Variants in MAP3K2 observed in about 807,000 individuals in gnomAD.
MAP3K2 encodes the protein MAP/ERK kinase kinase 2.
Under a neutral mutation model 80.3 loss-of-function variants are expected in MAP3K2, and 24 were observed. That is an observed-to-expected ratio of 0.30 (90% CI 0.22 to 0.42). The LOEUF (loss-of-function observed/expected upper bound fraction) is 0.42, where lower values mean the gene tolerates loss of function less well. Among genes scored for constraint, MAP3K2 ranks in the 10% least tolerant of loss-of-function variants. The pLI is 1.00. For synonymous variants in MAP3K2, 244 were observed against 253.7 expected (o/e 0.96, Z 0.36); for missense variants, 608 against 750.1 (o/e 0.81, Z 2.21).
rs540576508 is a variant in MAP3K2 at position 127,299,485 on chromosome 2, T to G, written c.*8094A>C. On this transcript the variant is annotated 3_prime_UTR_variant, in exon 17 of 17. Coordinates refer to ENST00000682094, the MANE Select transcript of MAP3K2 (RefSeq NM_001371910.2). ...TACAGGAAATATTCAAAGACAACAG[T>G]AGGACAGGCCAATAGCAACTGGAGA... 46 of 152,268 alleles carry G rather than the reference T, an allele frequency of 3.0e-4. 1 individual carries two copies. The highest frequency in any genetic ancestry group is 9.9e-4 in the African/African-American group (41 of 41,578). The allele number at this position is 152,268 out of a possible 1,614,324, so 9.4% of individuals were successfully genotyped here.
In MAP3K2 at chr2:127,331,444, C is replaced by A. The variant is rs113348642; in HGVS notation, c.265-939G>T. Among the ~76,000 whole-genome samples the A allele has an allele frequency of 5.2e-3, 787 of 152,256 alleles. 8 individuals carry two copies. The highest frequency in any genetic ancestry group is 5.8e-3 in the Non-Finnish European group (394 of 68,002). On this transcript the variant is annotated intron_variant, in intron 5 of 16. Coordinates refer to ENST00000682094, the MANE Select transcript of MAP3K2 (RefSeq NM_001371910.2). ...ATTTGGGGTCTCTACAGTATAAATT[C>A]TTTGAAGACAAGGACCCCCTACACC...
At chr2:127,348,672 T>C (rs1055614150) in intron 1 of MAP3K2, among the ~76,000 whole-genome samples, 7 of 152,124 alleles carry the variant, frequency 4.6e-5, no homozygotes, top group African/African-American at 1.5e-4. Flanking sequence ...GTGGTGATGG[T>C]TGCACAACTC....
chr2:127,344,917 G>C (rs553465618), intron 1 of MAP3K2, among the ~76,000 whole-genome samples: 1 of 152,302 alleles, frequency 6.6e-6, no homozygotes, highest in East Asian at 1.9e-4. Context: ...AGGCTGAGGT[G>C]CACTGGCATG....
chr2:127,317,879 T>C lies in MAP3K2; in HGVS notation c.1195-119A>G, dbSNP rs1178970657. The C allele has an allele frequency of 8.0e-6, 7 of 878,762 alleles. No individual in the cohort carries two copies. In the East Asian group the frequency reaches 1.3e-4, roughly 17 times the overall value. 54.4% of individuals were successfully genotyped at this position (878,762 alleles called of 1,614,324 possible). ...AATTTTAGTTCCCAAGTAATAAACATCTGAAAGTCTCTAACCAATAACTTT... is the reference window on the plus strand; with the variant it reads ...AATTTTAGTTCCCAAGTAATAAACACCTGAAAGTCTCTAACCAATAACTTT... On this transcript the variant is annotated intron_variant, in intron 13 of 16. Coordinates refer to ENST00000682094, the MANE Select transcript of MAP3K2 (RefSeq NM_001371910.2).
chr2:127,319,235 G>A (rs199961396), intron 12 of MAP3K2, among the ~76,000 whole-genome samples: 1,318 of 119,964 alleles, frequency 0.011, no homozygotes, highest in Non-Finnish European at 0.013. Flanking sequence ...GAATGCAAAA[G>A]AAAAAAAAAA....
intron 3 of MAP3K2, among the ~76,000 whole-genome samples, chr2:127,338,250 T>C (rs1296438649): frequency 6.6e-6 from 1 of 152,198 alleles, no homozygotes; most frequent in East Asian, 1.9e-4. Context: ...CCACATTAAA[T>C]GAAATGCTAC....
In MAP3K2 at chr2:127,350,776, T is replaced by C. The variant is rs566464128; in HGVS notation, c.-65-7582A>G. Among the ~76,000 whole-genome samples, 37 of 151,820 alleles carry C rather than the reference T, an allele frequency of 2.4e-4. No homozygotes were observed. In the South Asian group the frequency reaches 7.5e-3, roughly 31 times the overall value. ...AAGGAAAAAAAAGTACCCTTTCTAG[T>C]GTAGAAAGCCAGCAGACAAAAAAAA... On this transcript the variant is annotated intron_variant, in intron 1 of 16. Transcript: ENST00000682094.
chr2:127,351,612 T>A (rs1372255840), intron 1 of MAP3K2, among the ~76,000 whole-genome samples: 1 of 152,124 alleles, frequency 6.6e-6, no homozygotes, highest in East Asian at 1.9e-4. Flanking sequence ...TAAAAATATA[T>A]TTCACTACTC....
chr2:127,347,209 C>G (rs780549232), intron 1 of MAP3K2, among the ~76,000 whole-genome samples: 1 of 151,972 alleles, frequency 6.6e-6, no homozygotes, highest in Non-Finnish European at 1.5e-5. Context: ...TGCCACACAT[C>G]TATTTAATAT....
intron 5 of MAP3K2, among the ~76,000 whole-genome samples, chr2:127,333,050 T>C (rs1010982875): frequency 6.6e-6 from 1 of 151,002 alleles, no homozygotes; most frequent in South Asian, 2.1e-4. Context: ...GAGGATTGAT[T>C]GAGCCAGGGA....
At chr2:127,327,152 A>G (rs1271579509) in intron 7 of MAP3K2, among the ~76,000 whole-genome samples, 1 of 152,160 alleles carries the variant, frequency 6.6e-6, no homozygotes, top group African/African-American at 2.4e-5. Context: ...TGAGACAATA[A>G]CCCACTCTAT....
intron 13 of MAP3K2, among the ~76,000 whole-genome samples, 177 bp downstream of exon 13, chr2:127,317,992 A>G (rs1341477636): frequency 6.6e-6 from 1 of 152,150 alleles, no homozygotes; most frequent in Non-Finnish European, 1.5e-5. Context: ...TCCATATTAA[A>G]AAATAGACAA....
chr2:127,381,767 C>A (rs1687249252), intron 1 of MAP3K2, among the ~76,000 whole-genome samples: 1 of 152,228 alleles, frequency 6.6e-6, no homozygotes, highest in African/African-American at 2.4e-5. Flanking sequence ...CAGTGTACGT[C>A]TCCTAATGGG....
At chr2:127,338,389 A>C (rs1019557251) in intron 3 of MAP3K2, among the ~76,000 whole-genome samples, 3 of 152,020 alleles carry the variant, frequency 2.0e-5, no homozygotes, top group Non-Finnish European at 4.4e-5. Flanking sequence ...ATACAGGTAA[A>C]CTCACGTCAC....
At chr2:127,330,358 TA>T in intron 6 of MAP3K2, 33 bp downstream of exon 6, 1 of 1,077,904 alleles carries the variant, frequency 9.3e-7, no homozygotes, top group Non-Finnish European at 1.4e-6. Flanking sequence ...CTAAGTCCTA[TA>T]ATTCTTACTG....
intron 1 of MAP3K2, among the ~76,000 whole-genome samples, chr2:127,348,015 T>G (rs1558983976): frequency 6.6e-6 from 1 of 152,196 alleles, no homozygotes; most frequent in East Asian, 1.9e-4. Context: ...GTAAATTCAA[T>G]GCAGCACTAT....
intron 5 of MAP3K2, among the ~76,000 whole-genome samples, chr2:127,333,464 T>C (rs927952379): frequency 6.6e-6 from 1 of 151,934 alleles, no homozygotes; most frequent in Non-Finnish European, 1.5e-5. Flanking sequence ...AAAATATTTA[T>C]AGAAGTGGAA....
At chr2:127,385,366 T>C (rs1687325812) in intron 1 of MAP3K2, among the ~76,000 whole-genome samples, 1 of 152,232 alleles carries the variant, frequency 6.6e-6, no homozygotes, top group Non-Finnish European at 1.5e-5. Context: ...CAAATTTCTT[T>C]AGAAATTTTT....
At position 127,300,970 on chromosome 2, in the gene MAP3K2, T is replaced by C. The variant is rs1465582790; in HGVS notation, c.*6609A>G. ...TGCTAAAATCATCACTAGTTACATATGCTTTTAAAAAATAAATTCTAAAAA... is the reference window on the plus strand; with the variant it reads ...TGCTAAAATCATCACTAGTTACATACGCTTTTAAAAAATAAATTCTAAAAA... On this transcript the variant is annotated 3_prime_UTR_variant, in exon 17 of 17. Transcript: ENST00000682094. 1 of 152,212 alleles carries C rather than the reference T, an allele frequency of 6.6e-6. No individual in the cohort carries two copies. The highest frequency in any genetic ancestry group is 2.4e-5 in the African/African-American group (1 of 41,464). 9.4% of individuals were successfully genotyped at this position (152,212 alleles called of 1,614,324 possible).
Sources: gnomAD v4.1 joint callset for allele counts (sites outside exome capture counted in the v4.1 genomes callset) on GRCh38, gnomAD v4.1.1 for gene constraint, MANE v1.5 for transcripts, NCBI Gene and HGNC (gene_info 2026-07-23, HGNC 2026-07-21) for gene names.